BAG4: variants seen among roughly 807,000 people sequenced by gnomAD.
BAG4 encodes the protein BAG cochaperone 4.
Under a neutral mutation model 52.1 loss-of-function variants are expected in BAG4, and 28 were observed. The observed-to-expected ratio is 0.54, with a 90% CI of 0.40 to 0.74. The LOEUF (loss-of-function observed/expected upper bound fraction) is 0.74. BAG4 is among the 30% of genes least tolerant of loss of function. BAG4 has a pLI of 0.00. For synonymous variants in BAG4, 208 were observed against 217.0 expected (o/e 0.96, Z 0.37); for missense variants, 525 against 572.0 (o/e 0.92, Z 0.84).
chr8:38,201,862 A>T (rs865820398), intron 2 of BAG4: 81 of 6,248 alleles, frequency 0.013, 1 homozygote, highest in Non-Finnish European at 0.025. Context: ...ATATATATAT[A>T]TATATATATA....
chr8:38,192,661 G>A (rs1803495789), intron 1 of BAG4, 27 bp from the exon 2 acceptor site: 1 of 1,526,838 alleles, frequency 6.5e-7, no homozygotes. Flanking sequence ...GTTATTAAGA[G>A]TGAATTTATT....
rs1247367980 is a variant in BAG4 at position 38,176,909 on chromosome 8, G to C, written c.40G>C (p.Gly14Arg). The C allele has an allele frequency of 5.2e-6, 8 of 1,547,988 alleles. No homozygotes were observed. The highest frequency in any genetic ancestry group is 3.9e-5 in the Admixed American group (2 of 50,888). Residue 14 changes from glycine to arginine, a missense_variant, in exon 1 of 5, where the codon GGT becomes CGT. Coordinates refer to ENST00000287322, the MANE Select transcript of BAG4 (RefSeq NM_004874.4). ...LRRSGYGPSD[G>R]PSYGRYYGPG... ...GCGCTCGGGCTACGGCCCCAGTGACGGTCCGTCCTACGGCCGCTACTACGG... is the reference window on the plus strand; with the variant it reads ...GCGCTCGGGCTACGGCCCCAGTGACCGTCCGTCCTACGGCCGCTACTACGG...
intron 1 of BAG4, 26 bp downstream of exon 1, chr8:38,177,165 C>A (rs767182319): frequency 8.7e-6 from 14 of 1,606,600 alleles, no homozygotes; most frequent in East Asian, 4.5e-5. Flanking sequence ...TCTGTCCTTG[C>A]GGGGAGGTGA....
intron 2 of BAG4, among the ~76,000 whole-genome samples, chr8:38,204,746 A>C (rs1283619690): frequency 6.6e-6 from 1 of 152,138 alleles, no homozygotes; most frequent in Non-Finnish European, 1.5e-5. Context: ...CACTAAAGTA[A>C]CATGAACCCA....
chr8:38,180,522 C>CAAAAAAAAAAAAAAAAAAAAAAAAAAAAA, intron 1 of BAG4, among the ~76,000 whole-genome samples: 1 of 26,492 alleles, frequency 3.8e-5, no homozygotes, highest in African/African-American at 1.4e-4. Flanking sequence ...GACTCCGTCT[C>CAAAAAAAAAAAAAAAAAAAAAAAAAAAAA]AAAAAAAAAA....
chr8:38,208,905 T>C (rs986596841), intron 3 of BAG4, 108 bp from the exon 4 acceptor site: 4 of 1,293,538 alleles, frequency 3.1e-6, no homozygotes, highest in African/African-American at 3.0e-5. Flanking sequence ...TAGCAGCTAA[T>C]GTATACTCTG....
chr8:38,205,202 ATTTTTTTTTTTTTTT>A (rs35284937), intron 2 of BAG4, among the ~76,000 whole-genome samples: 4 of 79,316 alleles, frequency 5.0e-5, no homozygotes, highest in South Asian at 5.7e-4. Flanking sequence ...CAGCTAATTA[ATTTTTTTTTTTTTTT>A]TTTTTTTTTT....
intron 2 of BAG4, among the ~76,000 whole-genome samples, chr8:38,200,245 G>T (rs1475450572): frequency 6.6e-6 from 1 of 151,996 alleles, no homozygotes; most frequent in Non-Finnish European, 1.5e-5. Context: ...GACCTCTAGT[G>T]ATCCACCTGC....
At chr8:38,179,981 G>A (rs1280879750) in intron 1 of BAG4, among the ~76,000 whole-genome samples, 2 of 152,128 alleles carry the variant, frequency 1.3e-5, no homozygotes, top group African/African-American at 2.4e-5. Flanking sequence ...ATAGAGTTAG[G>A]GAGGGTTGGA....
intron 1 of BAG4, among the ~76,000 whole-genome samples, chr8:38,191,093 T>C (rs1803466522): frequency 6.6e-6 from 1 of 152,098 alleles, no homozygotes; most frequent in Admixed American, 6.5e-5. Context: ...TAAAATACAG[T>C]TTGAATTCAT....
In BAG4 at chr8:38,187,439, GA is replaced by G. The variant is rs1409228422; in HGVS notation, c.271-5247del. ...AGAGAAAAAAGACTGATGTGTTGGA[GA>G]AGTGTCAGACACCATTGAACACACC... is the stretch of plus-strand genomic sequence containing the variant. On this transcript the variant is annotated intron_variant, in intron 1 of 4. Coordinates refer to ENST00000287322, the MANE Select transcript of BAG4 (RefSeq NM_004874.4). Among the ~76,000 whole-genome samples the G allele has an allele frequency of 7.9e-5, 12 of 152,258 alleles. No homozygotes were observed. In the East Asian group the frequency reaches 2.3e-3, roughly 29 times the overall value.
Position 38,177,101 on chromosome 8 carries a change from G to A in BAG4, c.232G>A (p.Ala78Thr), listed in dbSNP as rs748133543. ...CGATGGCTACTATCCCTCGGGAGGC[G>A]CCTGGCCAGAGCCTGGTCGAGCCGG... Reference protein sequence around the residue: ...GGDGYYPSGGAWPEPGRAGGS... With the variant: ...GGDGYYPSGGTWPEPGRAGGS... Residue 78 changes from alanine (A) to threonine (T), a missense_variant, in exon 1 of 5, where the codon GCC becomes ACC. Physicochemically the swap from Ala to Thr is moderately conservative, Grantham distance 58. Coordinates refer to ENST00000287322, the MANE Select transcript of BAG4 (RefSeq NM_004874.4). The A allele has an allele frequency of 6.2e-7, 1 of 1,612,814 alleles. No homozygotes were observed. Among genetic ancestry groups the A allele is most frequent in the Non-Finnish European group, 8.5e-7 (1 of 1,179,902 alleles).
At chr8:38,204,658 AAC>A (rs1190916572) in intron 2 of BAG4, among the ~76,000 whole-genome samples, 9 of 152,064 alleles carry the variant, frequency 5.9e-5, no homozygotes, top group Admixed American at 5.9e-4. Context: ...CGAAAAAAAA[AAC>A]AAAAACAACG....
intron 2 of BAG4, 95 bp downstream of exon 2, chr8:38,192,890 G>T (rs1233912340): frequency 2.3e-6 from 2 of 884,238 alleles, no homozygotes; most frequent in Non-Finnish European, 3.3e-6. Context: ...ATGAGTGTGT[G>T]TTTTTTTTCT....
At chr8:38,202,597 A>G (rs1275681011) in intron 2 of BAG4, among the ~76,000 whole-genome samples, 1 of 148,736 alleles carries the variant, frequency 6.7e-6, no homozygotes, top group African/African-American at 2.5e-5. Flanking sequence ...CTGGAGTGCA[A>G]TGGCATGATC....
At chr8:38,203,663 A>C in intron 2 of BAG4, among the ~76,000 whole-genome samples, 1 of 151,698 alleles carries the variant, frequency 6.6e-6, no homozygotes, top group East Asian at 1.9e-4. Context: ...ATTTTTTGTG[A>C]GTTTTTAGAA....
At chr8:38,182,784 AT>A (rs1803292693) in intron 1 of BAG4, among the ~76,000 whole-genome samples, 1 of 152,024 alleles carries the variant, frequency 6.6e-6, no homozygotes, top group South Asian at 2.1e-4. Flanking sequence ...ATATTTTTAG[AT>A]TTGTCCCATT....
Position 38,212,732 on chromosome 8 carries a change from T to C in BAG4, c.*2239T>C, listed in dbSNP as rs912657290. Reference sequence around the variant, plus strand: ...TATGCTAAGGTGGTGTCTGCTAGGATTCGCTACTGTAAACTTACTGTGTTT... The same window carrying C: ...TATGCTAAGGTGGTGTCTGCTAGGACTCGCTACTGTAAACTTACTGTGTTT... On this transcript the variant is annotated 3_prime_UTR_variant, in exon 5 of 5. Coordinates refer to ENST00000287322, the MANE Select transcript of BAG4 (RefSeq NM_004874.4). 10 of 152,202 alleles carry C rather than the reference T, an allele frequency of 6.6e-5. No individual in the cohort carries two copies. Among genetic ancestry groups the C allele is most frequent in the African/African-American group, 2.4e-4 (10 of 41,446 alleles). The allele number at this position is 152,202 out of a possible 1,614,324, so 9.4% of individuals were successfully genotyped here.
intron 1 of BAG4, among the ~76,000 whole-genome samples, chr8:38,190,041 T>C (rs1475630833): frequency 6.6e-6 from 1 of 152,158 alleles, no homozygotes; most frequent in Non-Finnish European, 1.5e-5. Flanking sequence ...TGCCTTGGCC[T>C]CCCAAAGTGC....
Sources: allele counts gnomAD v4.1 joint callset (sites outside exome capture counted in the v4.1 genomes callset), GRCh38; gene constraint gnomAD v4.1.1; transcripts MANE v1.5; gene names NCBI Gene and HGNC (gene_info 2026-07-23, HGNC 2026-07-21).